Variants in ANKRD28 observed in about 807,000 individuals in gnomAD.
The protein encoded by ANKRD28 is serine/threonine-protein phosphatase 6 regulatory ankyrin repeat subunit A.
ANKRD28 carries 44 observed loss-of-function variants against 126.5 expected under a neutral mutation model. The ratio of observed to expected loss-of-function variants is 0.35; its 90% CI spans 0.27 to 0.45. The LOEUF (loss-of-function observed/expected upper bound fraction) is 0.45. Among genes scored for constraint, ANKRD28 ranks in the 20% least tolerant of loss-of-function variants. The pLI is 1.00. For synonymous variants in ANKRD28, 442 were observed against 468.5 expected (o/e 0.94, Z 0.73); for missense variants, 1,110 against 1,316.6 (o/e 0.84, Z 2.43).
intron 23 of ANKRD28, among the ~76,000 whole-genome samples, chr3:15,678,823 A>G (rs1177926890): frequency 6.6e-6 from 1 of 152,242 alleles, no homozygotes; most frequent in Non-Finnish European, 1.5e-5. Context: ...TAAAATCTAT[A>G]AATAGAAAAA....
chr3:15,692,287 A>G (rs1446617087), intron 17 of ANKRD28, among the ~76,000 whole-genome samples: 3 of 152,142 alleles, frequency 2.0e-5, no homozygotes, highest in Non-Finnish European at 4.4e-5. Flanking sequence ...TGTCTCTACA[A>G]AAAAATAAAG....
Position 15,833,357 on chromosome 3 carries a change from T to C in ANKRD28, c.27+26020A>G, listed in dbSNP as rs538313722. 2.0e-5 allele frequency among the ~76,000 whole-genome samples: 3 copies of C among 152,168 alleles called. No homozygotes were observed. Among genetic ancestry groups the C allele is most frequent in the African/African-American group, 4.8e-5 (2 of 41,536 alleles). On this transcript the variant is annotated intron_variant, in intron 1 of 27. Coordinates refer to the ANKRD28 transcript ENST00000399451. The surrounding 1 kb of genome is among the most constrained non-coding windows in gnomAD (Gnocchi z 4.4). ...GCTGGATACTTCCTGCCCTCAAGCA[T>C]TGGACTCCAAGTTATTCAGTTTTGG...
rs575190806 is a variant in ANKRD28 at position 15,838,605 on chromosome 3, G to A, written c.27+20772C>T. ...TACTAAAAATACAAAAAACTTAGTC[G>A]GGCATGGTGGCACATGCCTGTAATC... On this transcript the variant is annotated intron_variant, in intron 1 of 27. Transcript: ENST00000399451. The surrounding 1 kb of genome is among the most constrained non-coding windows in gnomAD (Gnocchi z 4.0). Among the ~76,000 whole-genome samples, 27 of 152,088 alleles carry A rather than the reference G, an allele frequency of 1.8e-4. No individual in the cohort carries two copies. The highest frequency in any genetic ancestry group is 2.9e-4 in the African/African-American group (12 of 41,476).
rs758108221 is a variant in ANKRD28 at position 15,859,429 on chromosome 3, G to GCCT, written c.-29_-27dup. The stretch of plus-strand genomic sequence containing the variant: ...GGCGGTCGCCTCCGCGCCCACTCCA[G>GCCT]CCTCCTCCTCCTCCGCCGCTGCCGC... On this transcript the variant is annotated 5_prime_UTR_variant, in exon 1 of 28. Coordinates refer to the ANKRD28 transcript ENST00000399451. The GCCT allele has an allele frequency of 5.5e-5, 83 of 1,512,834 alleles. No homozygotes were observed. The African/African-American group carries it at 9.9e-4, about 18-fold the overall frequency. 93.7% of individuals were successfully genotyped at this position (1,512,834 alleles called of 1,614,324 possible).
intron 1 of ANKRD28, among the ~76,000 whole-genome samples, chr3:15,844,929 C>A (rs563633541): frequency 6.6e-6 from 1 of 152,114 alleles, no homozygotes; most frequent in Non-Finnish European, 1.5e-5. Context: ...GGAAGCATAG[C>A]GGTTTCTGCT....
chr3:15,760,482 T>C (rs2058398524), intron 3 of ANKRD28, among the ~76,000 whole-genome samples: 1 of 152,202 alleles, frequency 6.6e-6, no homozygotes, highest in East Asian at 1.9e-4. Flanking sequence ...AGAGGCATAT[T>C]CCTCGAAGAT....
intron 14 of ANKRD28, among the ~76,000 whole-genome samples, chr3:15,706,419 TCC>T (rs2071408320): frequency 2.5e-5 from 1 of 39,930 alleles, no homozygotes; most frequent in Non-Finnish European, 8.8e-5. Flanking sequence ...GGACATAAAC[TCC>T]TCCTTTTTTA....
Position 15,751,759 on chromosome 3 carries a change from A to G in ANKRD28, c.342T>C (p.Ser114=). ...AAGAGAAATTTCATACCTCACTACA[A>G]GATGCAACTGCTCTGTGTAAAGGTG... ...WLTPLHRAVA[S]CSEEAVQVLL... is the part of the protein sequence containing the mutation. The change falls in exon 4 of 28, where the codon TCT becomes TCC. Residue 114 remains serine (S), a synonymous_variant. Transcript: ENST00000683139. 6.3e-7 allele frequency: 1 copy of G among 1,583,234 alleles called. No individual in the cohort carries two copies. The highest frequency in any genetic ancestry group is 2.3e-5 in the East Asian group (1 of 43,436).
intron 1 of ANKRD28, among the ~76,000 whole-genome samples, chr3:15,808,023 T>C (rs2125874200): frequency 6.6e-6 from 1 of 152,314 alleles, no homozygotes; most frequent in East Asian, 1.9e-4. Flanking sequence ...AAACTAGTTT[T>C]TAAATCCCAA....
chr3:15,742,515 G>A (rs545499140), intron 4 of ANKRD28, among the ~76,000 whole-genome samples: 42 of 138,796 alleles, frequency 3.0e-4, no homozygotes, highest in African/African-American at 1.1e-3. Context: ...CGCCCCATAT[G>A]AGAAGTGAGG....
At chr3:15,774,162 T>G (rs1018513804) in intron 2 of ANKRD28, among the ~76,000 whole-genome samples, 3 of 152,230 alleles carry the variant, frequency 2.0e-5, no homozygotes, top group African/African-American at 7.2e-5. Flanking sequence ...ATCATAGACC[T>G]ATTTCCCAAA....
intron 3 of ANKRD28, among the ~76,000 whole-genome samples, chr3:15,762,907 G>A (rs2058565038): frequency 6.6e-6 from 1 of 152,116 alleles, no homozygotes; most frequent in African/African-American, 2.4e-5. Context: ...GGCTCAGAGA[G>A]CAAATAAACT....
At chr3:15,832,937 T>A (rs1036406853) in intron 1 of ANKRD28, among the ~76,000 whole-genome samples, 1 of 152,254 alleles carries the variant, frequency 6.6e-6, no homozygotes. Flanking sequence ...CCTTAGGGTA[T>A]ATTCACAGTA....
chr3:15,706,026 A>C (rs1362481583), intron 14 of ANKRD28, among the ~76,000 whole-genome samples: 6 of 140,544 alleles, frequency 4.3e-5, no homozygotes, highest in African/African-American at 1.6e-4. Flanking sequence ...AACAAACAAC[A>C]AAAAAACCCA....
chr3:15,688,934 A>G (rs2068464792), intron 18 of ANKRD28, among the ~76,000 whole-genome samples: 1 of 152,258 alleles, frequency 6.6e-6, no homozygotes, highest in Non-Finnish European at 1.5e-5. Context: ...TTGTTAAATG[A>G]AAGATTATAC....
At chr3:15,687,484 G>A (rs1004436379) in intron 18 of ANKRD28, among the ~76,000 whole-genome samples, 21 of 152,028 alleles carry the variant, frequency 1.4e-4, no homozygotes, top group Admixed American at 1.3e-3. Context: ...CAAAATTCAG[G>A]TCCTGTTAAT....
Position 15,720,948 on chromosome 3 carries a change from A to C in ANKRD28, c.963T>G (p.Leu321=). The change falls in exon 8 of 28, where the codon CTT becomes CTG. Residue 321 remains leucine (L), a synonymous_variant. Coordinates refer to ENST00000683139, the MANE Select transcript of ANKRD28 (RefSeq NM_001349278.2). ...TGACATCGGCCCCATTGCCAACTAG[A>C]AGCTCTAAACACAATGCTCCATGTG... ...ASTHGALCLE[L]LVGNGADVNM... 6.2e-7 allele frequency: 1 copy of C among 1,613,750 alleles called. No homozygotes were observed. The highest frequency in any genetic ancestry group is 2.2e-5 in the East Asian group (1 of 44,862).
In ANKRD28 at chr3:15,803,756, T is replaced by C. The variant is rs1221379014; in HGVS notation, c.28-8450A>G. 2.7e-5 allele frequency among the ~76,000 whole-genome samples: 4 copies of C among 146,530 alleles called. 1 individual carries two copies. Among genetic ancestry groups the C allele is most frequent in the African/African-American group, 5.1e-5 (2 of 39,504 alleles). ...TAAGCAACCAGTGCTTATTGGAGTT[T>C]AAGAAATTTGGGACTTTTTTAGTTT... is the stretch of plus-strand genomic sequence containing the variant. On this transcript the variant is annotated intron_variant, in intron 1 of 27. Coordinates refer to the ANKRD28 transcript ENST00000399451.
In ANKRD28 at chr3:15,838,744, G is replaced by A. The variant is rs140634943; in HGVS notation, c.27+20633C>T. Among the ~76,000 whole-genome samples, 6,435 of 114,402 alleles carry A rather than the reference G, an allele frequency of 0.056. 455 individuals are homozygous for A. Among genetic ancestry groups the A allele is most frequent in the African/African-American group, 0.16 (5,957 of 38,220 alleles). The allele number at this position is 114,402 out of a possible 152,430, so 75.1% of individuals were successfully genotyped here. The stretch of plus-strand genomic sequence containing the variant: ...GCCTGGGCAACAAGAACGAAACTCC[G>A]TCTCAAAAAAAAAAAAAAATCTTCG... On this transcript the variant is annotated intron_variant, in intron 1 of 27. Transcript: ENST00000399451. The surrounding 1 kb of genome is among the most constrained non-coding windows in gnomAD (Gnocchi z 4.0).
Sources: gnomAD v4.1 joint callset for allele counts (sites outside exome capture counted in the v4.1 genomes callset) on GRCh38, gnomAD v4.1.1 for gene constraint, Gnocchi (gnomAD v3.1) non-coding constraint, MANE v1.5 for transcripts, NCBI Gene and HGNC (gene_info 2026-07-23, HGNC 2026-07-21) for gene names.